NEDD9: variants seen among roughly 807,000 people sequenced by gnomAD.
NEDD9 encodes the protein enhancer of filamentation 1.
A neutral mutation model predicts 76.6 loss-of-function variants in NEDD9; 26 were observed. The ratio of observed to expected loss-of-function variants is 0.34; its 90% CI spans 0.25 to 0.47. The LOEUF is 0.47. NEDD9 is among the 20% of genes least tolerant of loss of function. The probability of loss-of-function intolerance (pLI) is 1.00; values close to 1 mark genes in which losing one functional copy is unlikely to be tolerated. For synonymous variants in NEDD9, 392 were observed against 414.2 expected, an observed-to-expected ratio of 0.95 and a Z score of 0.65; for missense variants, 937 against 1,058.5, an observed-to-expected ratio of 0.89 and a Z score of 1.59.
chr6:11,193,576 T>C lies in NEDD9; in HGVS notation c.561+15A>G, dbSNP rs1375645563. ...AGAAGCGCTTCTCCTCTTGTGACCA[T>C]GTTCTGGTACGCACCCCTTGAGTGG... On this transcript the variant is annotated intron_variant, in intron 3 of 6. Transcript: ENST00000379446. 2 of 1,594,018 alleles carry C rather than the reference T, an allele frequency of 1.3e-6. No individual in the cohort carries two copies. Among genetic ancestry groups the C allele is most frequent in the East Asian group, 2.2e-5 (1 of 44,738 alleles).
At chr6:11,298,042 T>C (rs1206372053) in intron 3 of NEDD9, among the ~76,000 whole-genome samples, 1 of 151,916 alleles carries the variant, frequency 6.6e-6, no homozygotes, top group Non-Finnish European at 1.5e-5. Context: ...TGAATAGCTG[T>C]TACTATAGGT....
At chr6:11,251,174 A>G (rs1488660217) in intron 3 of NEDD9, 1 of 152,238 alleles carries the variant, frequency 6.6e-6, no homozygotes, top group East Asian at 1.9e-4. Flanking sequence ...GGAAAAGTCA[A>G]TTCAAATGTA....
chr6:11,359,760 G>T (rs1762644241), intron 1 of NEDD9, among the ~76,000 whole-genome samples: 1 of 152,202 alleles, frequency 6.6e-6, no homozygotes, highest in African/African-American at 2.4e-5. Context: ...TATAAGATTG[G>T]TGTCCAACCT....
At chr6:11,298,110 G>C (rs1760946641) in intron 3 of NEDD9, among the ~76,000 whole-genome samples, 1 of 151,954 alleles carries the variant, frequency 6.6e-6, no homozygotes, top group Non-Finnish European at 1.5e-5. Flanking sequence ...GTTTCACTCT[G>C]TTGGTCAGGC....
intron 1 of NEDD9, among the ~76,000 whole-genome samples, chr6:11,222,516 A>G (rs1477592491): frequency 6.6e-6 from 1 of 152,232 alleles, no homozygotes; most frequent in African/African-American, 2.4e-5. Flanking sequence ...AAAGGGAACA[A>G]AAAACCTTCA....
intron 1 of NEDD9, among the ~76,000 whole-genome samples, chr6:11,343,629 A>T (rs2113524653): frequency 6.6e-6 from 1 of 152,302 alleles, no homozygotes; most frequent in South Asian, 2.1e-4. Flanking sequence ...TGTGGACCAT[A>T]CCAAGAACAG....
chr6:11,355,031 T>C (rs1431256744), intron 1 of NEDD9, among the ~76,000 whole-genome samples: 1 of 152,218 alleles, frequency 6.6e-6, no homozygotes, highest in Non-Finnish European at 1.5e-5. Flanking sequence ...CCTTTTGTTT[T>C]CTTTTACTGG....
rs574288480 is a variant in NEDD9 at position 11,370,867 on chromosome 6, A to G, written c.-214+11272T>C. Among the ~76,000 whole-genome samples the G allele has an allele frequency of 8.0e-4, 122 of 152,260 alleles. No homozygotes were observed. Among genetic ancestry groups the G allele is most frequent in the African/African-American group, 2.7e-3 (114 of 41,558 alleles). ...TGCACGGCGTCGGGTGGTGTTGAGG[A>G]CAGGTGACAACGGGGAGGGTGACAG... is the stretch of plus-strand genomic sequence containing the variant. On this transcript the variant is annotated intron_variant, in intron 1 of 3. Transcript: ENST00000397378. This position sits in a 1 kb window ranked among gnomAD's most constrained non-coding sequence, Gnocchi z 4.2.
intron 3 of NEDD9, among the ~76,000 whole-genome samples, chr6:11,244,082 C>A (rs571701799): frequency 6.6e-6 from 1 of 152,166 alleles, no homozygotes; most frequent in Non-Finnish European, 1.5e-5. Context: ...AGATGAAGGC[C>A]TTCAGGGAAA....
At chr6:11,306,926 G>C (rs1026791129) in intron 2 of NEDD9, among the ~76,000 whole-genome samples, 1 of 152,142 alleles carries the variant, frequency 6.6e-6, no homozygotes, top group African/African-American at 2.4e-5. Flanking sequence ...CAGCTGTAAG[G>C]CTGTTTTGAG....
chr6:11,344,597 C>T (rs1762331774), intron 1 of NEDD9, among the ~76,000 whole-genome samples: 1 of 152,228 alleles, frequency 6.6e-6, no homozygotes, highest in South Asian at 2.1e-4. Flanking sequence ...TCGGGGCAAA[C>T]TCCAGCCTAT....
chr6:11,375,564 G>C (rs1762956570), intron 1 of NEDD9, among the ~76,000 whole-genome samples: 1 of 152,104 alleles, frequency 6.6e-6, no homozygotes, highest in South Asian at 2.1e-4. Context: ...TGGATTATGG[G>C]GGCAGATCCC....
rs138376419 is a variant in NEDD9 at position 11,308,102 on chromosome 6, T to G, written c.-152-1947A>C. On this transcript the variant is annotated intron_variant, in intron 2 of 3. Transcript: ENST00000397378. ...AAGTCCTTATTCCTGACGGGGGGCC[T>G]GGAAGCAGATATTCGTAAAAGGCCA... Among the ~76,000 whole-genome samples the G allele has an allele frequency of 6.6e-5, 10 of 152,254 alleles. No homozygotes were observed. In the East Asian group the frequency reaches 1.5e-3, roughly 24 times the overall value.
At chr6:11,259,606 C>G (rs1179931100) in intron 3 of NEDD9, among the ~76,000 whole-genome samples, 1 of 152,084 alleles carries the variant, frequency 6.6e-6, no homozygotes, top group Admixed American at 6.5e-5. Flanking sequence ...TTTGTATGCT[C>G]TCAATTTGAA....
rs117621681 is a variant in NEDD9 at position 11,285,096 on chromosome 6, A to T, written c.12+20896T>A. Among the ~76,000 whole-genome samples the T allele has an allele frequency of 2.0e-5, 3 of 152,304 alleles. No homozygotes were observed. In the East Asian group the frequency reaches 5.8e-4, roughly 29 times the overall value. ...TGCATAAATGTTAAACTCACTTAAC[A>T]TTCGTGACTTTAGGAAATAGGTGCT... On this transcript the variant is annotated intron_variant, in intron 3 of 3. Coordinates refer to the NEDD9 transcript ENST00000397378.
At chr6:11,349,928 T>TA (rs1392056346) in intron 1 of NEDD9, among the ~76,000 whole-genome samples, 1 of 152,012 alleles carries the variant, frequency 6.6e-6, no homozygotes, top group Non-Finnish European at 1.5e-5. Flanking sequence ...AAATAAAAGT[T>TA]AAAAAAATAA....
chr6:11,347,262 T>C (rs1012410183), intron 1 of NEDD9, among the ~76,000 whole-genome samples: 2 of 152,146 alleles, frequency 1.3e-5, no homozygotes, highest in African/African-American at 4.8e-5. Context: ...AATTTCTTTA[T>C]TTATAAATCT....
At position 11,213,126 on chromosome 6, in the gene NEDD9, C is replaced by A. The variant is rs1339986700; in HGVS notation, c.459+155G>T. On this transcript the variant is annotated intron_variant, in intron 2 of 6. Coordinates refer to ENST00000379446, the MANE Select transcript of NEDD9 (RefSeq NM_006403.4). The surrounding 1 kb of genome is among the most constrained non-coding windows in gnomAD (Gnocchi z 5.4). ...GTTTTGCTGAATGATGGATGAATGGCAAAATCATGCAAACATGATGCCTGA... is the reference window on the plus strand; with the variant it reads ...GTTTTGCTGAATGATGGATGAATGGAAAAATCATGCAAACATGATGCCTGA... Among the ~76,000 whole-genome samples, 1 of 152,108 alleles carries A rather than the reference C, an allele frequency of 6.6e-6. No individual in the cohort carries two copies. The highest frequency in any genetic ancestry group is 1.5e-5 in the Non-Finnish European group (1 of 68,038).
chr6:11,208,826 A>C (rs1249135713), intron 2 of NEDD9, among the ~76,000 whole-genome samples: 1 of 152,258 alleles, frequency 6.6e-6, no homozygotes, highest in Admixed American at 6.5e-5. Context: ...TGATCTTTGA[A>C]GCAGAGAAAT....
Sources: allele counts gnomAD v4.1 joint callset (sites outside exome capture counted in the v4.1 genomes callset), GRCh38; gene constraint gnomAD v4.1.1; non-coding constraint Gnocchi (gnomAD v3.1); transcripts MANE v1.5; gene names NCBI Gene and HGNC (gene_info 2026-07-23, HGNC 2026-07-21).